The following CTNNA3 variants were observed in gnomAD, a reference collection of about 807,000 sequenced individuals.
CTNNA3 encodes catenin alpha 3.
A neutral mutation model predicts 95.7 loss-of-function variants in CTNNA3; 76 were observed. That is an observed-to-expected ratio of 0.79 (90% CI 0.66 to 0.96). The LOEUF (loss-of-function observed/expected upper bound fraction) is 0.96, where lower values mean the gene tolerates loss of function less well. CTNNA3 is among the 40% of genes least tolerant of loss of function. CTNNA3 has a pLI of 0.00. For missense variants in CTNNA3, 1,191 were observed against 1,089.8 expected (o/e 1.09, Z -1.31); for synonymous variants, 431 against 374.4 (o/e 1.15, Z -1.74).
chr10:67,174,000 C>CTTTCACCTCTGTATTGCTCTCTGCT (rs1564942197), intron 7 of CTNNA3, among the ~76,000 whole-genome samples: 4 of 152,156 alleles, frequency 2.6e-5, no homozygotes, highest in African/African-American at 7.2e-5. Flanking sequence ...CCTTTAGGGA[C>CTTTCACCTCTGTATTGCTCTCTGCT]TTTCACCTCT....
chr10:66,691,626 G>A, intron 9 of CTNNA3, among the ~76,000 whole-genome samples: 1 of 152,210 alleles, frequency 6.6e-6, no homozygotes, highest in East Asian at 1.9e-4. Flanking sequence ...CCAGCACGCA[G>A]CTGGAGATCT....
chr10:66,805,064 T>C (rs1222039385), intron 7 of CTNNA3, among the ~76,000 whole-genome samples: 2 of 152,126 alleles, frequency 1.3e-5, no homozygotes, highest in Non-Finnish European at 2.9e-5. Flanking sequence ...TTTGGACTTC[T>C]GTGCTCAGCC....
intron 11 of CTNNA3, among the ~76,000 whole-genome samples, chr10:66,400,672 A>C (rs185318752): frequency 6.6e-6 from 1 of 152,140 alleles, no homozygotes; most frequent in Non-Finnish European, 1.5e-5. Flanking sequence ...CTTCCCTGCT[A>C]TAATATAAAC....
At chr10:66,035,657 A>G (rs2079546621) in intron 15 of CTNNA3, among the ~76,000 whole-genome samples, 1 of 151,328 alleles carries the variant, frequency 6.6e-6, no homozygotes, top group Non-Finnish European at 1.5e-5. Context: ...AAATTTCTTT[A>G]TCTGTTTATA....
At chr10:67,674,946 A>T (rs772123307) in intron 1 of CTNNA3, among the ~76,000 whole-genome samples, 40 of 152,112 alleles carry the variant, frequency 2.6e-4, no homozygotes, top group Middle Eastern at 3.4e-3. Context: ...TGTATATGAA[A>T]GTTCCATTTT....
intron 7 of CTNNA3, among the ~76,000 whole-genome samples, chr10:66,960,907 A>T (rs1390395922): frequency 1.3e-5 from 2 of 152,176 alleles, no homozygotes; most frequent in African/African-American, 2.4e-5. Context: ...CTAAAATGGG[A>T]ATGGTTCTTA....
At chr10:65,953,110 T>G (rs2077652763) in intron 17 of CTNNA3, among the ~76,000 whole-genome samples, 1 of 152,194 alleles carries the variant, frequency 6.6e-6, no homozygotes, top group Non-Finnish European at 1.5e-5. Flanking sequence ...AATATAACAA[T>G]AGTTATTTCT....
intron 7 of CTNNA3, among the ~76,000 whole-genome samples, chr10:67,167,023 C>T (rs763728849): frequency 6.6e-6 from 1 of 151,968 alleles, no homozygotes; most frequent in Non-Finnish European, 1.5e-5. Flanking sequence ...AGGAGAATCA[C>T]TTGAACCCAG....
chr10:66,024,049 G>C (rs2079280638), intron 15 of CTNNA3, among the ~76,000 whole-genome samples: 1 of 147,436 alleles, frequency 6.8e-6, no homozygotes, highest in African/African-American at 2.5e-5. Context: ...AAAGTATGTA[G>C]CTCCTCTAGT....
intron 9 of CTNNA3, among the ~76,000 whole-genome samples, chr10:66,632,584 GA>G (rs200877921): frequency 0.039 from 5,563 of 143,686 alleles, 287 homozygotes; most frequent in East Asian, 0.16. Flanking sequence ...AAAGAATGAA[GA>G]AAAGTATTAT....
At chr10:67,668,364 T>G (rs1055345698) in intron 1 of CTNNA3, among the ~76,000 whole-genome samples, 1 of 152,202 alleles carries the variant, frequency 6.6e-6, no homozygotes. Flanking sequence ...AGACAAGGTA[T>G]GTGTTCCAAG....
At chr10:66,778,614 A>G (rs527900405) in intron 7 of CTNNA3, among the ~76,000 whole-genome samples, 3 of 152,298 alleles carry the variant, frequency 2.0e-5, no homozygotes, top group African/African-American at 7.2e-5. Context: ...GGCACAGGTC[A>G]GCACTGTATA....
chr10:66,164,784 C>A (rs1325935134), intron 13 of CTNNA3, among the ~76,000 whole-genome samples: 1 of 152,080 alleles, frequency 6.6e-6, no homozygotes. Flanking sequence ...ATCAATTGAT[C>A]AAATTTGTGA....
intron 9 of CTNNA3, among the ~76,000 whole-genome samples, chr10:66,678,092 T>C (rs1368158380): frequency 6.6e-6 from 1 of 152,144 alleles, no homozygotes; most frequent in Non-Finnish European, 1.5e-5. Context: ...TGAAATGCAA[T>C]GAAAGATTGT....
At chr10:66,644,154 G>C (rs1017778913) in intron 9 of CTNNA3, among the ~76,000 whole-genome samples, 1 of 151,684 alleles carries the variant, frequency 6.6e-6, no homozygotes, top group Non-Finnish European at 1.5e-5. Flanking sequence ...GCTACTTGGC[G>C]GGGTTAAGGT....
chr10:67,692,214 C>G (rs1288985353), intron 1 of CTNNA3, among the ~76,000 whole-genome samples: 1 of 149,754 alleles, frequency 6.7e-6, no homozygotes. Flanking sequence ...CCCCTCTGCC[C>G]GGCCACCACC....
chr10:67,692,102 C>G (rs191798086), intron 1 of CTNNA3, among the ~76,000 whole-genome samples: 31,016 of 138,262 alleles, frequency 0.22, 4,284 homozygotes, highest in East Asian at 0.51. Flanking sequence ...CAGCTGCCCC[C>G]TCCGGGAGGG....
At chr10:66,938,481 ATATT>A (rs1159191329) in intron 7 of CTNNA3, among the ~76,000 whole-genome samples, 1 of 152,196 alleles carries the variant, frequency 6.6e-6, no homozygotes, top group Non-Finnish European at 1.5e-5. Context: ...AAAAGAAAAT[ATATT>A]TATTATTCAT....
At chr10:66,002,505 A>T (rs1589235849) in intron 15 of CTNNA3, among the ~76,000 whole-genome samples, 1 of 152,194 alleles carries the variant, frequency 6.6e-6, no homozygotes, top group Non-Finnish European at 1.5e-5. Context: ...TATTATTCAG[A>T]GTAGCCTAAC....
Sources: allele counts gnomAD v4.1 joint callset (sites outside exome capture counted in the v4.1 genomes callset), GRCh38; gene constraint gnomAD v4.1.1; transcripts MANE v1.5; gene names NCBI Gene and HGNC (gene_info 2026-07-23, HGNC 2026-07-21).